The following WWOX variants were observed in gnomAD, a reference collection of about 807,000 sequenced individuals.
The protein encoded by WWOX is WW domain containing oxidoreductase.
WWOX carries 69 observed loss-of-function variants against 46.2 expected under a neutral mutation model. That is an observed-to-expected ratio of 1.49 (90% CI 1.23 to 1.82). The LOEUF is 1.82. Among genes scored for constraint, WWOX ranks in the 40% most tolerant of loss-of-function variants. The pLI, the probability that WWOX is intolerant of heterozygous loss-of-function variation, is 0.00. For missense variants in WWOX, 919 were observed against 542.6 expected, an observed-to-expected ratio of 1.69 and a Z score of -6.89; for synonymous variants, 359 against 202.6, an observed-to-expected ratio of 1.77 and a Z score of -6.56.
chr16:78,292,934 T>TC (rs2079883245), intron 5 of WWOX, among the ~76,000 whole-genome samples: 1 of 152,188 alleles, frequency 6.6e-6, no homozygotes. Context: ...TGAGGAAATT[T>TC]CACAGCCTCA....
intron 8 of WWOX, among the ~76,000 whole-genome samples, chr16:78,876,986 G>T (rs749747030): frequency 7.2e-5 from 11 of 152,136 alleles, no homozygotes; most frequent in Non-Finnish European, 1.5e-4. Context: ...TACTTTGCCT[G>T]TTAAGTTAAC....
chr16:78,816,448 G>C (rs1264499840), intron 8 of WWOX, among the ~76,000 whole-genome samples: 1 of 146,304 alleles, frequency 6.8e-6, no homozygotes, highest in Non-Finnish European at 1.5e-5. Context: ...TTTTAAAAGA[G>C]CTTACTCAAA....
chr16:79,069,822 T>G (rs1203903369), intron 8 of WWOX, among the ~76,000 whole-genome samples: 1 of 151,914 alleles, frequency 6.6e-6, no homozygotes, highest in African/African-American at 2.4e-5. Context: ...TAACTGGTGT[T>G]AGTTAGTCTC....
intron 8 of WWOX, among the ~76,000 whole-genome samples, chr16:79,209,688 A>C (rs1454790364): frequency 6.6e-6 from 1 of 152,198 alleles, no homozygotes; most frequent in African/African-American, 2.4e-5. Context: ...CTAAGATTCC[A>C]GGCCAAAATA....
chr16:78,579,363 C>T (rs1012384302), intron 8 of WWOX, among the ~76,000 whole-genome samples: 16 of 151,938 alleles, frequency 1.1e-4, no homozygotes, highest in African/African-American at 3.1e-4. Flanking sequence ...GCTCCAAAGG[C>T]GAAGAGATGT....
At chr16:78,972,137 G>A (rs2046483223) in intron 8 of WWOX, among the ~76,000 whole-genome samples, 1 of 152,220 alleles carries the variant, frequency 6.6e-6, no homozygotes, top group African/African-American at 2.4e-5. Context: ...GGAGGAGGAA[G>A]CTTGGGGCAG....
chr16:78,566,288 G>T (rs1019708378), intron 8 of WWOX, among the ~76,000 whole-genome samples: 1 of 152,178 alleles, frequency 6.6e-6, no homozygotes, highest in African/African-American at 2.4e-5. Context: ...GAATTTGGGG[G>T]AGCTGGGGAG....
intron 5 of WWOX, among the ~76,000 whole-genome samples, chr16:78,173,534 G>A (rs1394822017): frequency 1.3e-5 from 2 of 151,552 alleles, no homozygotes; most frequent in African/African-American, 4.9e-5. Flanking sequence ...CTCTGCTCAG[G>A]CGATCCTCCT....
At chr16:78,830,405 T>A (rs1435482234) in intron 8 of WWOX, among the ~76,000 whole-genome samples, 3 of 152,072 alleles carry the variant, frequency 2.0e-5, no homozygotes, top group Non-Finnish European at 1.5e-5. Flanking sequence ...TTTTTCTCAC[T>A]GGTTTCTATG....
chr16:78,391,676 C>T (rs574256363), intron 6 of WWOX, among the ~76,000 whole-genome samples: 3 of 152,184 alleles, frequency 2.0e-5, no homozygotes, highest in East Asian at 3.9e-4. Flanking sequence ...GGCAAAACCC[C>T]GTCTGTACTA....
chr16:78,801,460 T>TA (rs2050886481), intron 8 of WWOX, among the ~76,000 whole-genome samples: 1 of 152,122 alleles, frequency 6.6e-6, no homozygotes, highest in Admixed American at 6.5e-5. Flanking sequence ...AGTAAGCTGA[T>TA]ATCATGTCAC....
At chr16:78,413,706 G>C (rs1239588146) in intron 6 of WWOX, among the ~76,000 whole-genome samples, 3 of 151,938 alleles carry the variant, frequency 2.0e-5, no homozygotes, top group Non-Finnish European at 4.4e-5. Context: ...GCCTGACACT[G>C]ATTTGTTGGC....
chr16:78,668,940 G>A (rs1567477313), intron 8 of WWOX, among the ~76,000 whole-genome samples: 1 of 152,152 alleles, frequency 6.6e-6, no homozygotes, highest in Non-Finnish European at 1.5e-5. Flanking sequence ...TTTTAAAAGG[G>A]AGAGATTTAA....
chr16:78,511,280 C>T (rs1041280852), intron 8 of WWOX, among the ~76,000 whole-genome samples: 5 of 152,220 alleles, frequency 3.3e-5, no homozygotes, highest in African/African-American at 9.6e-5. Flanking sequence ...TTTTCCCTTC[C>T]GTCAAGCCTT....
At chr16:78,678,387 A>G (rs1426601974) in intron 8 of WWOX, among the ~76,000 whole-genome samples, 2 of 152,308 alleles carry the variant, frequency 1.3e-5, no homozygotes, top group Admixed American at 6.5e-5. Context: ...AAAAATATTT[A>G]TCTATATTGA....
intron 8 of WWOX, among the ~76,000 whole-genome samples, chr16:78,832,218 T>C (rs866389853): frequency 1.3e-4 from 20 of 152,246 alleles, no homozygotes; most frequent in African/African-American, 3.8e-4. Context: ...CTCACTGATG[T>C]GGCTTTTAGC....
chr16:78,340,282 C>A (rs57563637), intron 5 of WWOX, among the ~76,000 whole-genome samples: 2 of 116,214 alleles, frequency 1.7e-5, no homozygotes, highest in South Asian at 5.3e-4. Flanking sequence ...CTGCAACCTC[C>A]ACCTCCCAGG....
At chr16:78,609,734 T>C (rs899508334) in intron 8 of WWOX, among the ~76,000 whole-genome samples, 13 of 152,174 alleles carry the variant, frequency 8.5e-5, no homozygotes, top group African/African-American at 3.1e-4. Context: ...ATAGTTTCGT[T>C]TGGAAAACAA....
chr16:78,571,950 A>G (rs1343455958), intron 8 of WWOX, among the ~76,000 whole-genome samples: 1 of 152,222 alleles, frequency 6.6e-6, no homozygotes, highest in Non-Finnish European at 1.5e-5. Flanking sequence ...TAAGGTCATA[A>G]CAAGCACTGG....
Sources: allele counts gnomAD v4.1 joint callset (sites outside exome capture counted in the v4.1 genomes callset), GRCh38; gene constraint gnomAD v4.1.1; transcripts MANE v1.5; gene names NCBI Gene and HGNC (gene_info 2026-07-23, HGNC 2026-07-21).